SERINC5: variants seen among roughly 807,000 people sequenced by gnomAD.
SERINC5 encodes serine incorporator 5, also known as chromosome 5 open reading frame 12.
In SERINC5, 41 loss-of-function variants were observed where a neutral mutation model predicts 63.1. The observed-to-expected ratio is 0.65, with a 90% CI of 0.51 to 0.84. SERINC5 has a LOEUF of 0.84. SERINC5 is among the 40% of genes least tolerant of loss of function. SERINC5 has a pLI of 0.00. For missense variants in SERINC5, 523 were observed against 573.0 expected, an observed-to-expected ratio of 0.91 and a Z score of 0.89; for synonymous variants, 222 against 215.2, an observed-to-expected ratio of 1.03 and a Z score of -0.28.
intron 5 of SERINC5, among the ~76,000 whole-genome samples, chr5:80,171,280 T>A (rs1352632200): frequency 1.3e-5 from 2 of 152,126 alleles, no homozygotes; most frequent in Non-Finnish European, 2.9e-5. Flanking sequence ...GTGCTAGGAT[T>A]ACAGGCATGA....
intron 11 of SERINC5, among the ~76,000 whole-genome samples, chr5:80,124,255 G>A (rs1453861105): frequency 6.6e-6 from 1 of 152,248 alleles, no homozygotes; most frequent in Admixed American, 6.5e-5. Context: ...AGCCAAATGG[G>A]CACCCCCAAC....
intron 1 of SERINC5, among the ~76,000 whole-genome samples, chr5:80,203,678 A>T (rs1406808404): frequency 6.6e-6 from 1 of 151,926 alleles, no homozygotes; most frequent in East Asian, 1.9e-4. Context: ...TATATATACA[A>T]AAATTTGGTC....
intron 8 of SERINC5, 61 bp from the exon 9 acceptor site, chr5:80,151,009 G>A: frequency 7.9e-7 from 1 of 1,268,268 alleles, no homozygotes; most frequent in Non-Finnish European, 1.2e-6. Context: ...ATGGAATGAA[G>A]GGGAAAGCCG....
chr5:80,189,883 TACTTTTTG>T (rs899978557), intron 2 of SERINC5, among the ~76,000 whole-genome samples: 24 of 152,152 alleles, frequency 1.6e-4, no homozygotes, highest in African/African-American at 5.5e-4. Flanking sequence ...GCTACTTTTT[TACTTTTTG>T]TAGAGACAGG....
At chr5:80,201,541 AG>A (rs1749835437) in intron 2 of SERINC5, among the ~76,000 whole-genome samples, 1 of 152,130 alleles carries the variant, frequency 6.6e-6, no homozygotes, top group Non-Finnish European at 1.5e-5. Context: ...CAGTTTTATG[AG>A]GAATAAAGGT....
At chr5:80,113,145 TTAGAA>T (rs1396364983) in intron 12 of SERINC5, among the ~76,000 whole-genome samples, 6 of 152,198 alleles carry the variant, frequency 3.9e-5, no homozygotes, top group Non-Finnish European at 8.8e-5. Flanking sequence ...CTTTTTTTCC[TTAGAA>T]TAGGTTTCCA....
At chr5:80,192,044 G>T (rs1010388980) in intron 2 of SERINC5, among the ~76,000 whole-genome samples, 2 of 152,228 alleles carry the variant, frequency 1.3e-5, no homozygotes, top group African/African-American at 4.8e-5. Flanking sequence ...ACACTGGTTG[G>T]CTGGCCATGC....
chr5:80,138,008 G>A (rs1433680736), downstream of SERINC5, among the ~76,000 whole-genome samples: 3 of 152,034 alleles, frequency 2.0e-5, no homozygotes, highest in Non-Finnish European at 4.4e-5. Context: ...CCTGCAATAT[G>A]CAACAATTTG....
At chr5:80,197,146 C>T (rs762498768) in intron 2 of SERINC5, among the ~76,000 whole-genome samples, 13 of 151,958 alleles carry the variant, frequency 8.6e-5, no homozygotes, top group Non-Finnish European at 1.6e-4. Flanking sequence ...GTCAGGAGTT[C>T]GAGACCAGCC....
chr5:80,253,696 G>C (rs575156802), intron 1 of SERINC5, among the ~76,000 whole-genome samples: 1 of 151,974 alleles, frequency 6.6e-6, no homozygotes, highest in Non-Finnish European at 1.5e-5. Flanking sequence ...AGACTCCCTC[G>C]GCAACCCTCC....
At chr5:80,241,694 C>G (rs1247018558) in intron 1 of SERINC5, among the ~76,000 whole-genome samples, 1 of 151,442 alleles carries the variant, frequency 6.6e-6, no homozygotes, top group Non-Finnish European at 1.5e-5. Flanking sequence ...GGGTGAGAAC[C>G]CATCGCTAAA....
chr5:80,183,195 C>T (rs1561403631), intron 2 of SERINC5, among the ~76,000 whole-genome samples: 1 of 152,252 alleles, frequency 6.6e-6, no homozygotes, highest in East Asian at 1.9e-4. Flanking sequence ...GTAGAGCTCA[C>T]AATTGGCAGG....
chr5:80,186,787 G>C (rs1234794902), intron 2 of SERINC5, among the ~76,000 whole-genome samples: 2 of 152,154 alleles, frequency 1.3e-5, no homozygotes, highest in African/African-American at 4.8e-5. Context: ...ATAAGTTTTG[G>C]GAGTGGCTTC....
chr5:80,196,834 G>C (rs1195117674), intron 2 of SERINC5, among the ~76,000 whole-genome samples: 4 of 151,952 alleles, frequency 2.6e-5, no homozygotes, highest in African/African-American at 9.7e-5. Flanking sequence ...CAGCTACTCA[G>C]GAGGCCGAGG....
chr5:80,171,883 TA>T (rs1465601605), intron 5 of SERINC5, among the ~76,000 whole-genome samples: 1 of 147,644 alleles, frequency 6.8e-6, no homozygotes, highest in Non-Finnish European at 1.5e-5. Context: ...CCTGTCTCTT[TA>T]AAAAAAAAGA....
At chr5:80,245,597 C>G (rs1471342091) in intron 1 of SERINC5, among the ~76,000 whole-genome samples, 3 of 146,432 alleles carry the variant, frequency 2.0e-5, no homozygotes, top group African/African-American at 7.7e-5. Flanking sequence ...TCTAGGCACC[C>G]AGTGAATATT....
chr5:80,195,262 G>A (rs1749426688), intron 2 of SERINC5, among the ~76,000 whole-genome samples: 1 of 149,504 alleles, frequency 6.7e-6, no homozygotes, highest in African/African-American at 2.5e-5. Context: ...CTCCAGCCTG[G>A]GCAACAAGAG....
At chr5:80,176,676 A>G (rs893489246) in intron 4 of SERINC5, among the ~76,000 whole-genome samples, 1 of 152,138 alleles carries the variant, frequency 6.6e-6, no homozygotes, top group Non-Finnish European at 1.5e-5. Context: ...GCCTCAAGTG[A>G]TCCACCCACC....
At chr5:80,194,171 A>C (rs1749361394) in intron 2 of SERINC5, among the ~76,000 whole-genome samples, 1 of 152,248 alleles carries the variant, frequency 6.6e-6, no homozygotes, top group African/African-American at 2.4e-5. Context: ...ATTTTAAAAA[A>C]GCATTCCAGA....
Sources: gnomAD v4.1 joint callset for allele counts (sites outside exome capture counted in the v4.1 genomes callset) on GRCh38, gnomAD v4.1.1 for gene constraint, MANE v1.5 for transcripts, NCBI Gene and HGNC (gene_info 2026-07-23, HGNC 2026-07-21) for gene names.